Variants in CPXM2 observed in about 807,000 individuals in gnomAD.
CPXM2 encodes the protein carboxypeptidase X, M14 family member 2, also known as inactive carboxypeptidase-like protein X2.
In CPXM2, 66 loss-of-function variants were observed where a neutral mutation model predicts 86.1. The observed-to-expected ratio is 0.77, with a 90% CI of 0.63 to 0.94. The LOEUF is 0.94. Among genes scored for constraint, CPXM2 ranks in the 40% least tolerant of loss-of-function variants. The pLI is 0.00. For missense variants in CPXM2, 948 were observed against 1,026.3 expected (o/e 0.92, Z 1.04); for synonymous variants, 388 against 400.2 (o/e 0.97, Z 0.36).
chr10:123,830,430 G>T (rs936651794), intron 4 of CPXM2, among the ~76,000 whole-genome samples: 5 of 152,204 alleles, frequency 3.3e-5, no homozygotes, highest in Non-Finnish European at 7.3e-5. Context: ...TGTGGCAAGT[G>T]GGCAGAGTCA....
chr10:123,750,431 C>G (rs2362675), intron 13 of CPXM2: 765,592 of 982,280 alleles, frequency 0.78, 300,594 homozygotes, highest in Non-Finnish European at 0.8. Context: ...AATTACTGTT[C>G]CCTCCAACTG....
intron 3 of CPXM2, among the ~76,000 whole-genome samples, chr10:123,852,302 A>G (rs1169079439): frequency 6.6e-6 from 1 of 152,120 alleles, no homozygotes; most frequent in Non-Finnish European, 1.5e-5. Context: ...GTTGCAGGTT[A>G]AAAAGCATGC....
chr10:123,859,095 G>A (rs1421632638), intron 3 of CPXM2, among the ~76,000 whole-genome samples: 1 of 152,142 alleles, frequency 6.6e-6, no homozygotes, highest in East Asian at 1.9e-4. Flanking sequence ...CCACATCTGC[G>A]CCTATAGAGT....
chr10:123,787,128 A>G (rs1240332561), intron 6 of CPXM2, among the ~76,000 whole-genome samples: 1 of 152,170 alleles, frequency 6.6e-6, no homozygotes, highest in Non-Finnish European at 1.5e-5. Flanking sequence ...AGGAGGCTCC[A>G]AGGTGGCTCC....
rs1286752769 is a variant in CPXM2, at chr10:123,761,973, T to C, written c.1676A>G (p.His559Arg). ...RWLAYSYAST[H>R]RLMTDARRRV... ...CCTCCGGGCGTCTGTCATGAGGCGG[T>C]GTGTGGAGGCATAGGAGTAGGCCAG... The change falls in exon 11 of 14, where the codon CAC becomes CGC. Residue 559 changes from histidine to arginine, a missense_variant. Transcript: ENST00000241305. 1 of 1,613,524 alleles carries C rather than the reference T, an allele frequency of 6.2e-7. No homozygotes were observed. The highest frequency in any genetic ancestry group is 8.5e-7 in the Non-Finnish European group (1 of 1,179,806).
At chr10:123,862,772 ATGAGTTTCTTATTTTCTAAATC>A (rs1564803284) in intron 2 of CPXM2, 49 bp from the exon 3 acceptor site, 1 of 1,502,104 alleles carries the variant, frequency 6.7e-7, no homozygotes, top group African/African-American at 1.4e-5. Flanking sequence ...GCTGAAAGGG[ATGAGTTTCTTATTTTCTAAATC>A]TGGCCGCGTG....
chr10:123,834,663 C>A (rs980533366), intron 4 of CPXM2, among the ~76,000 whole-genome samples: 7 of 152,104 alleles, frequency 4.6e-5, no homozygotes, highest in Non-Finnish European at 1.0e-4. Context: ...CTCCATAGGC[C>A]CTTGTGGGTT....
chr10:123,747,000 A>T lies in CPXM2; in HGVS notation c.2035T>A (p.Trp679Arg). The T allele has an allele frequency of 6.2e-7, 1 of 1,614,024 alleles. No homozygotes were observed. The highest frequency in any genetic ancestry group is 2.2e-5 in the East Asian group (1 of 44,880). ...DIRTANDGDY[W>R]RLLNPGEYVV... ...TACTCTCCAGGGTTCAGGAGGCGCCAGTAATCCCCATCGTTGGCTGTGAAA... is the reference window on the plus strand; with the variant it reads ...TACTCTCCAGGGTTCAGGAGGCGCCTGTAATCCCCATCGTTGGCTGTGAAA... Residue 679 changes from tryptophan (W) to arginine (R), a missense_variant, in exon 14 of 14, where the codon TGG becomes AGG. Coordinates refer to ENST00000241305, the MANE Select transcript of CPXM2 (RefSeq NM_198148.3).
At chr10:123,890,077 G>A (rs184677090) in intron 1 of CPXM2, among the ~76,000 whole-genome samples, 55 of 152,268 alleles carry the variant, frequency 3.6e-4, no homozygotes, top group African/African-American at 1.2e-3. Context: ...CCCACCCTTC[G>A]GAGCCACTGA....
intron 2 of CPXM2, 67 bp from the exon 3 acceptor site, chr10:123,862,790 A>C: frequency 7.1e-7 from 1 of 1,399,016 alleles, no homozygotes; most frequent in Non-Finnish European, 1.0e-6. Flanking sequence ...CTTATTTTCT[A>C]AATCTGGCCG....
At chr10:123,894,065 T>A (rs1453767660), upstream of CPXM2, among the ~76,000 whole-genome samples, 1 of 152,188 alleles carries the variant, frequency 6.6e-6, no homozygotes, top group East Asian at 1.9e-4. Context: ...CTTCTCCCTC[T>A]CATTTTACAC....
At chr10:123,882,573 A>G (rs948654886) in intron 1 of CPXM2, among the ~76,000 whole-genome samples, 1 of 152,252 alleles carries the variant, frequency 6.6e-6, no homozygotes, top group Admixed American at 6.5e-5. Context: ...TATGTGAGAA[A>G]AAAAGCCAAA....
intron 11 of CPXM2, among the ~76,000 whole-genome samples, chr10:123,759,829 G>C (rs888115403): frequency 2.6e-5 from 4 of 152,174 alleles, no homozygotes; most frequent in African/African-American, 9.7e-5. Context: ...CAGGAGTCTG[G>C]AGTGAAAGCA....
At chr10:123,874,699 A>T (rs1260706424) in intron 2 of CPXM2, among the ~76,000 whole-genome samples, 1 of 152,364 alleles carries the variant, frequency 6.6e-6, no homozygotes, top group East Asian at 1.9e-4. Flanking sequence ...AGATGGAAAC[A>T]GGATAGATCA....
chr10:123,845,692 C>T (rs1848480938), intron 3 of CPXM2, among the ~76,000 whole-genome samples: 1 of 152,016 alleles, frequency 6.6e-6, no homozygotes, highest in Admixed American at 6.6e-5. Context: ...ACTGTACTTT[C>T]CCAGTTAAGT....
upstream of CPXM2, among the ~76,000 whole-genome samples, chr10:123,943,191 A>G (rs1376296700): frequency 6.6e-6 from 1 of 152,252 alleles, no homozygotes; most frequent in Non-Finnish European, 1.5e-5. Context: ...TGTTCTTTGA[A>G]TGTTCCTTTG....
chr10:123,856,100 C>T (rs979529868), intron 3 of CPXM2, among the ~76,000 whole-genome samples: 1 of 152,198 alleles, frequency 6.6e-6, no homozygotes, highest in African/African-American at 2.4e-5. Context: ...TCAGCTGTTT[C>T]TTCCAAGCTC....
At chr10:123,802,632 T>A (rs138731678) in intron 4 of CPXM2, among the ~76,000 whole-genome samples, 2 of 152,338 alleles carry the variant, frequency 1.3e-5, no homozygotes, top group African/African-American at 4.8e-5. Flanking sequence ...TATATTTTAG[T>A]GAATTTATAC....
Position 123,770,939 on chromosome 10 carries a change from T to A in CPXM2, c.1079A>T (p.Asp360Val). 6.2e-7 allele frequency: 1 copy of A among 1,611,234 alleles called. No individual in the cohort carries two copies. The highest frequency in any genetic ancestry group is 2.2e-5 in the East Asian group (1 of 44,706). ...ACCGACTTCATGCTCCCCAGGGTGA[T>A]CTGAGATCTCCACAGCATACAGCTT... ...GLKLYAVEIS[D>V]HPGEHEVGEP... is the part of the protein sequence containing the mutation. The change falls in exon 8 of 14, where the codon GAT (aspartate) becomes GTT (valine). Residue 360 changes from aspartate (D) to valine (V), a missense_variant. Physicochemically the swap from Asp to Val is radical, Grantham distance 152. Coordinates refer to ENST00000241305, the MANE Select transcript of CPXM2 (RefSeq NM_198148.3).
Sources: gnomAD v4.1 joint callset for allele counts (sites outside exome capture counted in the v4.1 genomes callset) on GRCh38, gnomAD v4.1.1 for gene constraint, MANE v1.5 for transcripts, NCBI Gene and HGNC (gene_info 2026-07-23, HGNC 2026-07-21) for gene names.